Variants in MARCHF10 observed in about 807,000 individuals in gnomAD.
MARCHF10 encodes probable E3 ubiquitin-protein ligase MARCHF10.
Under a neutral mutation model 76.2 loss-of-function variants are expected in MARCHF10, and 64 were observed. The observed-to-expected ratio is 0.84, with a 90% CI of 0.69 to 1.03. MARCHF10 has a LOEUF of 1.03. Ranked by LOEUF, MARCHF10 falls within the 50% of genes least tolerant of loss-of-function variation. The pLI is 0.00. For missense variants in MARCHF10, 875 were observed against 958.0 expected (o/e 0.91, Z 1.14); for synonymous variants, 340 against 357.5 (o/e 0.95, Z 0.55).
At chr17:62,753,386 C>T (rs901003837) in intron 4 of MARCHF10, among the ~76,000 whole-genome samples, 7 of 152,180 alleles carry the variant, frequency 4.6e-5, no homozygotes, top group African/African-American at 1.7e-4. Flanking sequence ...GGATTACAGG[C>T]GTGAGCCACC....
chr17:62,764,101 C>T (rs73992056), intron 3 of MARCHF10, among the ~76,000 whole-genome samples: 1 of 152,200 alleles, frequency 6.6e-6, no homozygotes, highest in African/African-American at 2.4e-5. Flanking sequence ...GATGAATCTC[C>T]TCGGGAATGT....
intron 1 of MARCHF10, among the ~76,000 whole-genome samples, chr17:62,806,267 TAA>T (rs2093162428): frequency 2.6e-5 from 4 of 152,218 alleles, no homozygotes; most frequent in African/African-American, 9.6e-5. Flanking sequence ...AGATAATGCT[TAA>T]TTCATGGATC....
At chr17:62,723,781 G>A (rs192470104) in intron 7 of MARCHF10, among the ~76,000 whole-genome samples, 8 of 152,138 alleles carry the variant, frequency 5.3e-5, no homozygotes, top group Admixed American at 3.9e-4. Context: ...AGAGTCGTTA[G>A]CAACCAAAAT....
chr17:62,733,299 A>T (rs1359669598), intron 6 of MARCHF10, among the ~76,000 whole-genome samples: 1 of 152,180 alleles, frequency 6.6e-6, no homozygotes, highest in Non-Finnish European at 1.5e-5. Context: ...TCTCTACAAA[A>T]AAATAAAGAC....
rs543363876 is a variant in MARCHF10 at position 62,803,292 on chromosome 17, TA to T, written c.-17-1541del. On this transcript the variant is annotated intron_variant, in intron 1 of 10. Transcript: ENST00000311269. ...AACAGAGCAAGACCCTGTCTGTATT[TA>T]AAAAAAAAAAAATTGTATTTTAAAA... Among the ~76,000 whole-genome samples the T allele has an allele frequency of 3.1e-3, 457 of 145,372 alleles. 4 individuals carry two copies. The highest frequency in any genetic ancestry group is 7.6e-3 in the African/African-American group (303 of 39,828).
chr17:62,735,677 A>C lies in MARCHF10; in HGVS notation c.1937+254T>G, dbSNP rs7225358. 5,010 of 475,946 alleles carry C rather than the reference A, an allele frequency of 0.011. 241 individuals carry two copies. Among genetic ancestry groups the C allele is most frequent in the African/African-American group, 0.093 (4,560 of 49,090 alleles). The allele number at this position is 475,946 out of a possible 1,614,324, so 29.5% of individuals were successfully genotyped here. ...GAGATCCTTATACCCAGCAGACTTA[A>C]GGGTGTGGTATTCAAGGAAAAAAAC... On this transcript the variant is annotated intron_variant, in intron 6 of 10. Coordinates refer to ENST00000311269, the MANE Select transcript of MARCHF10 (RefSeq NM_152598.4).
At chr17:62,791,864 G>T (rs913014849) in intron 2 of MARCHF10, among the ~76,000 whole-genome samples, 4 of 151,990 alleles carry the variant, frequency 2.6e-5, no homozygotes, top group African/African-American at 9.7e-5. Flanking sequence ...AGGTGACTGG[G>T]CAGGGGAGGA....
intron 6 of MARCHF10, chr17:62,735,311 A>C (rs551027333): frequency 6.6e-6 from 1 of 152,464 alleles, no homozygotes; most frequent in Non-Finnish European, 1.5e-5. Context: ...AACTATCCCC[A>C]AATCATCTCA....
At chr17:62,759,550 C>T (rs1399166058) in intron 4 of MARCHF10, among the ~76,000 whole-genome samples, 4 of 152,326 alleles carry the variant, frequency 2.6e-5, no homozygotes, top group Non-Finnish European at 4.4e-5. Flanking sequence ...GCCATCTTGG[C>T]TTACTGCAAC....
At chr17:62,800,808 G>A (rs1280780065) in intron 2 of MARCHF10, among the ~76,000 whole-genome samples, 2 of 152,164 alleles carry the variant, frequency 1.3e-5, no homozygotes, top group Non-Finnish European at 2.9e-5. Context: ...CCAGCTCCGG[G>A]TGACTGCAAC....
intron 3 of MARCHF10, among the ~76,000 whole-genome samples, chr17:62,768,388 T>C (rs1182876848): frequency 6.6e-6 from 1 of 152,036 alleles, no homozygotes; most frequent in Non-Finnish European, 1.5e-5. Flanking sequence ...CATGGTGGCA[T>C]GGGCACCTGT....
intron 6 of MARCHF10, among the ~76,000 whole-genome samples, chr17:62,733,795 G>A (rs2091139341): frequency 6.6e-6 from 1 of 152,186 alleles, no homozygotes; most frequent in African/African-American, 2.4e-5. Flanking sequence ...TCTCACTAAG[G>A]ATGTAAGAGG....
intron 1 of MARCHF10, among the ~76,000 whole-genome samples, chr17:62,806,025 T>A (rs1240397082): frequency 1.3e-5 from 2 of 152,160 alleles, no homozygotes; most frequent in African/African-American, 4.8e-5. Flanking sequence ...AGAAACATCG[T>A]GGTGCCACAT....
chr17:62,710,231 A>G (rs1017708963), intron 9 of MARCHF10, among the ~76,000 whole-genome samples: 1 of 152,222 alleles, frequency 6.6e-6, no homozygotes, highest in Non-Finnish European at 1.5e-5. Context: ...TTTGAAGTTC[A>G]GTGTGCAATA....
chr17:62,739,229 G>T (rs568347396), intron 5 of MARCHF10, among the ~76,000 whole-genome samples: 2 of 152,162 alleles, frequency 1.3e-5, no homozygotes, highest in East Asian at 3.9e-4. Context: ...AACCCAGGAG[G>T]CAGAGGTTGC....
intron 3 of MARCHF10, among the ~76,000 whole-genome samples, chr17:62,762,599 T>C (rs1037434725): frequency 1.3e-5 from 2 of 152,272 alleles, no homozygotes; most frequent in East Asian, 1.9e-4. Flanking sequence ...CAGGCTGGAG[T>C]GCAATAGCGC....
chr17:62,781,555 G>C (rs544227323), intron 3 of MARCHF10, among the ~76,000 whole-genome samples: 1 of 152,330 alleles, frequency 6.6e-6, no homozygotes, highest in East Asian at 1.9e-4. Context: ...GCGCAGGCTT[G>C]ATAGGTATTG....
At chr17:62,783,585 G>A (rs997271467) in intron 3 of MARCHF10, among the ~76,000 whole-genome samples, 5 of 152,062 alleles carry the variant, frequency 3.3e-5, no homozygotes, top group African/African-American at 9.7e-5. Flanking sequence ...ATGAATCCTG[G>A]AGCTGTTTTT....
chr17:62,793,555 AC>A, intron 2 of MARCHF10, among the ~76,000 whole-genome samples: 1 of 112,318 alleles, frequency 8.9e-6, no homozygotes, highest in African/African-American at 3.6e-5. Context: ...CTCCACTGCC[AC>A]CACCACCTCC....
Sources: gnomAD v4.1 joint callset for allele counts (sites outside exome capture counted in the v4.1 genomes callset) on GRCh38, gnomAD v4.1.1 for gene constraint, MANE v1.5 for transcripts, NCBI Gene and HGNC (gene_info 2026-07-23, HGNC 2026-07-21) for gene names.